The following SCMH1 variants were observed in gnomAD, a reference collection of about 807,000 sequenced individuals.
SCMH1 encodes the protein Scm polycomb group protein homolog 1.
Under a neutral mutation model 70.8 loss-of-function variants are expected in SCMH1, and 37 were observed. The ratio of observed to expected loss-of-function variants is 0.52; its 90% confidence interval spans 0.40 to 0.69. The LOEUF is 0.69. Ranked by LOEUF, SCMH1 falls within the 30% of genes least tolerant of loss-of-function variation. SCMH1 has a pLI of 0.00. For missense variants in SCMH1, 607 were observed against 827.3 expected, an observed-to-expected ratio of 0.73 and a Z score of 3.27; for synonymous variants, 292 against 307.4, an observed-to-expected ratio of 0.95 and a Z score of 0.52.
intron 13 of SCMH1, among the ~76,000 whole-genome samples, chr1:41,035,429 T>C (rs1202699538): frequency 6.6e-6 from 1 of 152,214 alleles, no homozygotes; most frequent in Non-Finnish European, 1.5e-5. Flanking sequence ...TCTCCAAGCA[T>C]AGTTGGGCCC....
At chr1:41,041,201 TTGTGCA>T (rs1646119720) in intron 12 of SCMH1, 1 of 152,168 alleles carries the variant, frequency 6.6e-6, no homozygotes, top group Non-Finnish European at 1.5e-5. Flanking sequence ...AGCATAGTCC[TTGTGCA>T]TGTTTACATC....
At chr1:41,031,067 G>A (rs542168019) in intron 13 of SCMH1, among the ~76,000 whole-genome samples, 1 of 152,116 alleles carries the variant, frequency 6.6e-6, no homozygotes, top group Non-Finnish European at 1.5e-5. Flanking sequence ...CAGGAGGATC[G>A]CTTGAGGCCG....
At chr1:41,112,076 T>C (rs1182313204) in intron 8 of SCMH1, among the ~76,000 whole-genome samples, 1 of 152,232 alleles carries the variant, frequency 6.6e-6, no homozygotes, top group Non-Finnish European at 1.5e-5. Context: ...TATCCCATCA[T>C]ACTTTATTTC....
intron 2 of SCMH1, among the ~76,000 whole-genome samples, chr1:41,165,357 A>T (rs1481743481): frequency 6.6e-6 from 1 of 152,074 alleles, no homozygotes; most frequent in African/African-American, 2.4e-5. Context: ...ATGCAGATGA[A>T]GCTACCCTTC....
intron 2 of SCMH1, among the ~76,000 whole-genome samples, chr1:41,164,935 T>C (rs758034829): frequency 1.3e-5 from 2 of 152,116 alleles, no homozygotes; most frequent in Non-Finnish European, 2.9e-5. Context: ...AAATACATAA[T>C]ACATTATTAT....
At chr1:41,094,312 G>A (rs1457329092) in intron 8 of SCMH1, among the ~76,000 whole-genome samples, 1 of 152,142 alleles carries the variant, frequency 6.6e-6, no homozygotes, top group Non-Finnish European at 1.5e-5. Context: ...TTGGTGCCTT[G>A]ATTTGTGTCA....
At chr1:41,105,080 G>T (rs1361910527) in intron 8 of SCMH1, among the ~76,000 whole-genome samples, 1 of 150,860 alleles carries the variant, frequency 6.6e-6, no homozygotes, top group Non-Finnish European at 1.5e-5. Flanking sequence ...TTCAATATCC[G>T]AAGTAGCTGG....
intron 8 of SCMH1, among the ~76,000 whole-genome samples, chr1:41,082,374 A>T (rs1428944704): frequency 6.6e-6 from 1 of 152,328 alleles, no homozygotes; most frequent in African/African-American, 2.4e-5. Context: ...CTCTCGGCAG[A>T]AACTCCACAA....
chr1:41,131,900 A>G (rs907440862), intron 6 of SCMH1, among the ~76,000 whole-genome samples: 15 of 152,210 alleles, frequency 9.9e-5, no homozygotes, highest in Non-Finnish European at 1.6e-4. Context: ...ATGGCTGCAT[A>G]GTATTCCATG....
At chr1:41,192,495 G>C (rs1016689350) in intron 1 of SCMH1, among the ~76,000 whole-genome samples, 7 of 148,646 alleles carry the variant, frequency 4.7e-5, no homozygotes, top group South Asian at 2.1e-4. Context: ...TTAAATAGGA[G>C]ACACACACAC....
At chr1:41,124,377 A>C (rs1672667729) in intron 6 of SCMH1, among the ~76,000 whole-genome samples, 1 of 152,208 alleles carries the variant, frequency 6.6e-6, no homozygotes, top group African/African-American at 2.4e-5. Flanking sequence ...GTTGATTTTT[A>C]AATACAGGAT....
chr1:41,105,121 A>C (rs1275877193), intron 8 of SCMH1, among the ~76,000 whole-genome samples: 1 of 149,518 alleles, frequency 6.7e-6, no homozygotes, highest in Non-Finnish European at 1.5e-5. Context: ...ATGCTCAGCT[A>C]ATTTTTTTTT....
At chr1:41,085,568 A>G (rs1162604667) in intron 8 of SCMH1, among the ~76,000 whole-genome samples, 1 of 152,192 alleles carries the variant, frequency 6.6e-6, no homozygotes, top group Non-Finnish European at 1.5e-5. Flanking sequence ...GAAAAGATAA[A>G]GTAAAACAAT....
At chr1:41,224,211 A>T (rs1659841424) in intron 1 of SCMH1, among the ~76,000 whole-genome samples, 1 of 152,158 alleles carries the variant, frequency 6.6e-6, no homozygotes, top group Non-Finnish European at 1.5e-5. Flanking sequence ...TATCTCTTCC[A>T]TGAAGTGTAT....
intron 9 of SCMH1, among the ~76,000 whole-genome samples, chr1:41,074,491 A>G (rs1040246078): frequency 1.3e-5 from 2 of 152,046 alleles, no homozygotes; most frequent in Admixed American, 6.5e-5. Flanking sequence ...AATTTTTTTT[A>G]AAGAAGAGGT....
At chr1:41,172,531 T>C (rs1176059210) in intron 2 of SCMH1, among the ~76,000 whole-genome samples, 2 of 151,986 alleles carry the variant, frequency 1.3e-5, no homozygotes, top group Admixed American at 1.3e-4. Context: ...ATAGATTCAA[T>C]GCAATCCCTA....
intron 2 of SCMH1, among the ~76,000 whole-genome samples, chr1:41,179,735 G>A (rs1173690769): frequency 1.3e-5 from 2 of 151,892 alleles, no homozygotes; most frequent in South Asian, 4.2e-4. Flanking sequence ...GCTTACCAAC[G>A]AAAAAAAGTC....
intron 2 of SCMH1, among the ~76,000 whole-genome samples, chr1:41,182,938 T>C (rs1027996332): frequency 1.3e-5 from 2 of 152,316 alleles, no homozygotes; most frequent in South Asian, 2.1e-4. Context: ...CAGCATCTGA[T>C]AGAATTCTAC....
Position 41,161,357 on chromosome 1 carries a change from C to A in SCMH1, c.82+7G>T. ...TTCCACACCAAACGGAGTTTTTTCCCCCTTACCTTGATATTGGGATGCAGA... is the reference window on the plus strand; with the variant it reads ...TTCCACACCAAACGGAGTTTTTTCCACCTTACCTTGATATTGGGATGCAGA... On this transcript the variant is annotated splice_region_variant and intron_variant, in intron 3 of 14. Transcript: ENST00000337495. 1.3e-6 allele frequency: 2 copies of A among 1,548,670 alleles called. No homozygotes were observed. The highest frequency in any genetic ancestry group is 1.7e-4 in the Middle Eastern group (1 of 5,954).
Sources: gnomAD v4.1 joint callset for allele counts (sites outside exome capture counted in the v4.1 genomes callset) on GRCh38, gnomAD v4.1.1 for gene constraint, MANE v1.5 for transcripts, NCBI Gene and HGNC (gene_info 2026-07-23, HGNC 2026-07-21) for gene names.